Variants in POM121C observed in about 807,000 individuals in gnomAD.
The protein encoded by POM121C is nuclear envelope pore membrane protein POM 121C.
In POM121C, 20 loss-of-function variants were observed where a neutral mutation model predicts 66.4. The observed-to-expected ratio is 0.30, with a 90% CI of 0.21 to 0.44. The LOEUF (loss-of-function observed/expected upper bound fraction) is 0.44. POM121C is among the 20% of genes least tolerant of loss of function. The probability of loss-of-function intolerance (pLI) is 1.00; values close to 1 mark genes in which losing one functional copy is unlikely to be tolerated. For missense variants in POM121C, 580 were observed against 1,225.7 expected (o/e 0.47, Z 7.87); for synonymous variants, 286 against 528.0 (o/e 0.54, Z 6.28).
chr7:75,421,859 G>A lies in POM121C; in HGVS notation c.2393C>T (p.Thr798Ile), dbSNP rs587743803. 2 of 1,611,190 alleles carry A rather than the reference G, an allele frequency of 1.2e-6. No homozygotes were observed. Among genetic ancestry groups the A allele is most frequent in the African/African-American group, 2.7e-5 (2 of 74,990 alleles). ...ASSQPAFGGS[T>I]AVFSFGAATS... ...GGCTGCACCGAAGGAGAAGACAGCA[G>A]TGGAGCCGCCAAAGGCGGGCTGTGA... The change falls in exon 13 of 15, where the codon ACT (threonine) becomes ATT (isoleucine). Residue 798 changes from threonine to isoleucine, a missense_variant. By Grantham distance (89) the Thr-to-Ile change is moderately conservative (BLOSUM62 -1). Coordinates refer to ENST00000615331, the MANE Select transcript of POM121C (RefSeq NM_001099415.3).
chr7:75,432,773 G>C (rs1790234866), intron 7 of POM121C, among the ~76,000 whole-genome samples: 1 of 152,192 alleles, frequency 6.6e-6, no homozygotes, highest in Non-Finnish European at 1.5e-5. Context: ...ATGTAGAACA[G>C]TCAAAAAATT....
At chr7:75,439,717 T>G (rs1296810250) in intron 5 of POM121C, among the ~76,000 whole-genome samples, 1 of 152,098 alleles carries the variant, frequency 6.6e-6, no homozygotes, top group Non-Finnish European at 1.5e-5. Context: ...AAGAGTCCCA[T>G]GAGAGCAGAG....
rs1200644952 is a variant in POM121C at position 75,416,991 on chromosome 7, G to A, written c.*1805C>T. 54 of 1,319,504 alleles carry A rather than the reference G, an allele frequency of 4.1e-5. No individual in the cohort carries two copies. Among genetic ancestry groups the A allele is most frequent in the East Asian group, 2.2e-4 (7 of 31,834 alleles). 81.7% of individuals were successfully genotyped at this position (1,319,504 alleles called of 1,614,324 possible). Reference sequence around the variant, plus strand: ...TTCCCGGACCGGCTGTCCTGCCTGCGGAACTGAGGTAAACAAGCTCAGGTA... The same window carrying A: ...TTCCCGGACCGGCTGTCCTGCCTGCAGAACTGAGGTAAACAAGCTCAGGTA... On this transcript the variant is annotated 3_prime_UTR_variant, in exon 15 of 15. Transcript: ENST00000615331.
In POM121C at chr7:75,485,954, C is replaced by T; in HGVS notation, c.-548G>A. ...GCGCGCGCGTCTGCTCGCGAGGTCC[C>T]CTCCTGTCCACCTCACCAAGGCTGT... is the stretch of plus-strand genomic sequence containing the variant. On this transcript the variant is annotated 5_prime_UTR_variant, in exon 1 of 15. Coordinates refer to ENST00000615331, the MANE Select transcript of POM121C (RefSeq NM_001099415.3). 1 of 498,970 alleles carries T rather than the reference C, an allele frequency of 2.0e-6. No individual in the cohort carries two copies. The highest frequency in any genetic ancestry group is 5.9e-5 in the East Asian group (1 of 16,832). The allele number at this position is 498,970 out of a possible 1,614,324, so 30.9% of individuals were successfully genotyped here.
intron 7 of POM121C, among the ~76,000 whole-genome samples, chr7:75,434,142 C>T (rs1221333979): frequency 2.0e-5 from 3 of 152,164 alleles, no homozygotes; most frequent in African/African-American, 7.2e-5. Flanking sequence ...AACTCTTGAA[C>T]GTGAGATTTG....
chr7:75,463,449 C>CTTTTTTTTTT (rs1191010098), intron 3 of POM121C, among the ~76,000 whole-genome samples: 1 of 120,772 alleles, frequency 8.3e-6, no homozygotes, highest in African/African-American at 3.0e-5. Flanking sequence ...CTGGGTTTTT[C>CTTTTTTTTTT]TTTTTTTTTT....
At chr7:75,473,040 A>G (rs1791934805) in intron 3 of POM121C, among the ~76,000 whole-genome samples, 1 of 152,200 alleles carries the variant, frequency 6.6e-6, no homozygotes, top group Non-Finnish European at 1.5e-5. Flanking sequence ...GAAGACAAAG[A>G]ACACAAACCA....
chr7:75,434,196 A>T (rs1790303148), intron 7 of POM121C, among the ~76,000 whole-genome samples: 2 of 152,206 alleles, frequency 1.3e-5, no homozygotes, highest in African/African-American at 4.8e-5. Flanking sequence ...ATGAACTAAG[A>T]CTCACGGAAA....
Position 75,462,418 on chromosome 7 carries a change from A to G in POM121C, c.-152+12286T>C, listed in dbSNP as rs1791475332. ...CAGGCAGTTCTTTCCAGCAGTGTGA[A>G]AACTGACTAATACTCCAAATGAACA... is the stretch of plus-strand genomic sequence containing the variant. On this transcript the variant is annotated intron_variant, in intron 3 of 14. Transcript: ENST00000615331. Among the ~76,000 whole-genome samples, 16 of 150,810 alleles carry G rather than the reference A, an allele frequency of 1.1e-4. No individual in the cohort carries two copies. The South Asian group carries it at 3.4e-3, about 32-fold the overall frequency.
chr7:75,421,584 G>T lies in POM121C; in HGVS notation c.2668C>A (p.Leu890Met), dbSNP rs781886482. ...GGTGTGCTCTGGCCGGTGGTGCCCA[G>T]GGCGTTCTGACCTAAGCCCCCTGTG... is the stretch of plus-strand genomic sequence containing the variant. ...PFTGGLGQNA[L>M]GTTGQSTPFA... Residue 890 changes from leucine (L) to methionine (M), a missense_variant, in exon 13 of 15, where the codon CTG (leucine) becomes ATG (methionine). By Grantham distance (15) the Leu-to-Met change is conservative (BLOSUM62 2). Coordinates refer to ENST00000615331, the MANE Select transcript of POM121C (RefSeq NM_001099415.3). The T allele has an allele frequency of 6.2e-7, 1 of 1,613,088 alleles. No homozygotes were observed. The highest frequency in any genetic ancestry group is 1.3e-5 in the African/African-American group (1 of 74,774).
intron 3 of POM121C, among the ~76,000 whole-genome samples, chr7:75,461,660 C>T (rs1380476742): frequency 1.3e-5 from 2 of 152,054 alleles, no homozygotes; most frequent in African/African-American, 4.8e-5. Flanking sequence ...ATCTACCTGC[C>T]TCGGCCTCCC....
At chr7:75,474,477 A>G (rs1267694110) in intron 3 of POM121C, among the ~76,000 whole-genome samples, 1 of 152,206 alleles carries the variant, frequency 6.6e-6, no homozygotes, top group African/African-American at 2.4e-5. Flanking sequence ...TGCTGGAGGA[A>G]GAGGAAGTGA....
intron 7 of POM121C, among the ~76,000 whole-genome samples, chr7:75,427,641 C>A (rs1220751797): frequency 6.6e-6 from 1 of 151,882 alleles, no homozygotes; most frequent in Non-Finnish European, 1.5e-5. Flanking sequence ...AGAGCGGACA[C>A]TGCAAATAGT....
intron 5 of POM121C, chr7:75,440,615 T>C (rs1790607407): frequency 8.7e-6 from 3 of 345,930 alleles, no homozygotes; most frequent in African/African-American, 2.1e-5. Flanking sequence ...CCCAAATAAC[T>C]GAACACCACA....
At chr7:75,433,865 C>T (rs587713860) in intron 7 of POM121C, among the ~76,000 whole-genome samples, 2 of 152,324 alleles carry the variant, frequency 1.3e-5, no homozygotes, top group East Asian at 3.9e-4. Flanking sequence ...TGTTTCCAAG[C>T]TGCTGTTATT....
chr7:75,449,076 G>A (rs1554475250), intron 3 of POM121C, among the ~76,000 whole-genome samples: 3 of 150,070 alleles, frequency 2.0e-5, no homozygotes, highest in South Asian at 2.1e-4. Context: ...GTGAGCCACC[G>A]CACCTGGCTT....
intron 1 of POM121C, among the ~76,000 whole-genome samples, chr7:75,484,730 T>C (rs1792450935): frequency 6.7e-6 from 1 of 149,966 alleles, no homozygotes; most frequent in South Asian, 2.1e-4. Context: ...GATAATCAGG[T>C]AGTAATTAGA....
At chr7:75,476,367 G>T (rs1226763720) in intron 1 of POM121C, among the ~76,000 whole-genome samples, 6 of 152,142 alleles carry the variant, frequency 3.9e-5, no homozygotes, top group African/African-American at 1.4e-4. Flanking sequence ...AAAGTATTGG[G>T]ATTACAGGCT....
At chr7:75,473,449 G>A (rs587638954) in intron 3 of POM121C, among the ~76,000 whole-genome samples, 14 of 152,032 alleles carry the variant, frequency 9.2e-5, no homozygotes, top group African/African-American at 2.9e-4. Context: ...TATGGGGAAG[G>A]GGAAATGAAC....
Sources: allele counts gnomAD v4.1 joint callset (sites outside exome capture counted in the v4.1 genomes callset), GRCh38; gene constraint gnomAD v4.1.1; transcripts MANE v1.5; gene names NCBI Gene and HGNC (gene_info 2026-07-23, HGNC 2026-07-21).